The following TEX14 variants were observed in gnomAD, a reference collection of about 807,000 sequenced individuals.
TEX14 encodes inactive serine/threonine-protein kinase TEX14.
In TEX14, 168 loss-of-function variants were observed where a neutral mutation model predicts 178.6. That is an observed-to-expected ratio of 0.94 (90% CI 0.83 to 1.07). The LOEUF is 1.07. Ranked by LOEUF, TEX14 falls within the 50% of genes least tolerant of loss-of-function variation. The probability of loss-of-function intolerance (pLI) is 0.00; values close to 1 mark genes in which losing one functional copy is unlikely to be tolerated. For missense variants in TEX14, 1,730 were observed against 1,753.6 expected (o/e 0.99, Z 0.24); for synonymous variants, 626 against 634.1 (o/e 0.99, Z 0.19).
Position 58,581,777 on chromosome 17 carries a change from C to T in TEX14, c.3172-2046G>A, listed in dbSNP as rs201923573. ...ACTTTTAAGTTGCTGTTCATTGTAA[C>T]GAAATCCCTTTATAGTTGGATGCAG... On this transcript the variant is annotated intron_variant, in intron 19 of 31. Transcript: ENST00000349033. 36 of 1,594,428 alleles carry T rather than the reference C, an allele frequency of 2.3e-5. No homozygotes were observed. The African/African-American group carries it at 2.4e-4, about 11-fold the overall frequency.
At chr17:58,580,699 C>T (rs1292686117) in intron 19 of TEX14, among the ~76,000 whole-genome samples, 1 of 152,028 alleles carries the variant, frequency 6.6e-6, no homozygotes, top group Non-Finnish European at 1.5e-5. Flanking sequence ...TAAAAGATCC[C>T]AAAAAGGTGC....
At chr17:58,591,474 C>T (rs1376384340) in intron 15 of TEX14, among the ~76,000 whole-genome samples, 2 of 151,946 alleles carry the variant, frequency 1.3e-5, no homozygotes, top group African/African-American at 2.4e-5. Flanking sequence ...GCCAATATCG[C>T]GCCATTGCAC....
intron 19 of TEX14, 81 bp downstream of exon 19, chr17:58,584,419 T>C (rs1193721524): frequency 1.0e-6 from 1 of 977,460 alleles, no homozygotes; most frequent in Non-Finnish European, 1.6e-6. Flanking sequence ...ATTATTTTGG[T>C]GTCATAACAC....
intron 1 of TEX14, among the ~76,000 whole-genome samples, chr17:58,666,873 C>A (rs1367899962): frequency 6.6e-6 from 1 of 152,162 alleles, no homozygotes; most frequent in African/African-American, 2.4e-5. Context: ...CCAAGGAACG[C>A]GTTTCCAAAA....
rs141683264 is a variant in TEX14, at chr17:58,666,458, C to CA, written c.-1-14457dup. ...ACAAAGTGAAACAAACCTTCCACGGCAAAAAAAAAAAAAAAAAAAAAAAAA... is the reference window on the plus strand; with the variant it reads ...ACAAAGTGAAACAAACCTTCCACGGCAAAAAAAAAAAAAAAAAAAAAAAAAA... On this transcript the variant is annotated intron_variant, in intron 1 of 31. Coordinates refer to ENST00000349033, the MANE Select transcript of TEX14 (RefSeq NM_031272.5). The CA allele has an allele frequency of 4.1e-4, 15 of 36,834 alleles. 2 individuals are homozygous for CA. Among genetic ancestry groups the CA allele is most frequent in the African/African-American group, 1.3e-3 (12 of 9,534 alleles). The allele number at this position is 36,834 out of a possible 1,614,324, so 2.3% of individuals were successfully genotyped here.
chr17:58,605,732 G>A (rs533031400), intron 10 of TEX14, among the ~76,000 whole-genome samples: 1 of 152,318 alleles, frequency 6.6e-6, no homozygotes, highest in African/African-American at 2.4e-5. Context: ...GCTACTTTTT[G>A]TGACTGAGAT....
At chr17:58,659,214 G>GA in intron 1 of TEX14, 1 of 269,130 alleles carries the variant, frequency 3.7e-6, no homozygotes, top group Non-Finnish European at 5.4e-6. Flanking sequence ...CTCATTCGGG[G>GA]AAATCGCGGG....
intron 2 of TEX14, among the ~76,000 whole-genome samples, chr17:58,637,931 G>C (rs1253881905): frequency 6.7e-6 from 1 of 148,724 alleles, no homozygotes; most frequent in Non-Finnish European, 1.5e-5. Flanking sequence ...GTGCGATCTC[G>C]GCTCACTGCA....
At chr17:58,604,298 C>T (rs150705388) in intron 11 of TEX14, among the ~76,000 whole-genome samples, 122 of 150,974 alleles carry the variant, frequency 8.1e-4, no homozygotes, top group African/African-American at 2.7e-3. Flanking sequence ...TGGTAAAACC[C>T]CGTCTCTACT....
chr17:58,683,052 C>CAAAAAAAAAAAAAAAAA (rs1194798521), intron 1 of TEX14, among the ~76,000 whole-genome samples: 1 of 54,042 alleles, frequency 1.9e-5, no homozygotes, highest in African/African-American at 6.8e-5. Context: ...GAGTCTGTCT[C>CAAAAAAAAAAAAAAAAA]AAAAAAAAAA....
chr17:58,566,885 G>C (rs1402181406), intron 26 of TEX14, among the ~76,000 whole-genome samples: 1 of 151,788 alleles, frequency 6.6e-6, no homozygotes, highest in Non-Finnish European at 1.5e-5. Flanking sequence ...TACTCAGCCT[G>C]GCCAGGAGCA....
At chr17:58,667,240 G>A (rs1243847050) in intron 1 of TEX14, among the ~76,000 whole-genome samples, 5 of 152,174 alleles carry the variant, frequency 3.3e-5, no homozygotes, top group African/African-American at 1.2e-4. Flanking sequence ...CTGCAGAGTG[G>A]AGGGTTTTGG....
intron 1 of TEX14, among the ~76,000 whole-genome samples, chr17:58,660,102 G>A (rs1008617754): frequency 3.3e-5 from 5 of 150,610 alleles, no homozygotes; most frequent in Non-Finnish European, 7.4e-5. Flanking sequence ...ACAAATACAC[G>A]CTTAATAATT....
intron 28 of TEX14, among the ~76,000 whole-genome samples, chr17:58,562,162 C>CTTAG (rs1268969457): frequency 6.6e-6 from 1 of 152,152 alleles, no homozygotes; most frequent in African/African-American, 2.4e-5. Context: ...AGCCTTAGCA[C>CTTAG]CTATTAAGAT....
At chr17:58,595,471 G>A (rs542221114) in intron 14 of TEX14, among the ~76,000 whole-genome samples, 5 of 152,228 alleles carry the variant, frequency 3.3e-5, no homozygotes, top group South Asian at 2.1e-4. Flanking sequence ...GAATTTCTTC[G>A]ATCAACAGAA....
At chr17:58,631,618 T>C (rs368243) in intron 2 of TEX14, 70,556 of 147,260 alleles carry the variant, frequency 0.48, 17,305 homozygotes, top group Middle Eastern at 0.56. Flanking sequence ...ACTATTAACA[T>C]CTGAAAAAAA....
intron 3 of TEX14, among the ~76,000 whole-genome samples, chr17:58,627,200 C>T (rs1196731570): frequency 6.6e-6 from 1 of 152,026 alleles, no homozygotes; most frequent in African/African-American, 2.4e-5. Flanking sequence ...TACTATGTAC[C>T]ATATTATGGG....
intron 1 of TEX14, among the ~76,000 whole-genome samples, chr17:58,658,032 C>G (rs937559167): frequency 6.6e-6 from 1 of 152,174 alleles, no homozygotes; most frequent in Non-Finnish European, 1.5e-5. Context: ...CACCCAGGAA[C>G]TGACTCAGCA....
intron 1 of TEX14, among the ~76,000 whole-genome samples, chr17:58,681,615 C>T (rs2047502053): frequency 6.6e-6 from 1 of 151,628 alleles, no homozygotes; most frequent in Admixed American, 6.6e-5. Flanking sequence ...TGTGGGAGGC[C>T]GAGGCAGGTG....
Sources: allele counts gnomAD v4.1 joint callset (sites outside exome capture counted in the v4.1 genomes callset), GRCh38; gene constraint gnomAD v4.1.1; transcripts MANE v1.5; gene names NCBI Gene and HGNC (gene_info 2026-07-23, HGNC 2026-07-21).